The following SDK1 variants were observed in gnomAD, a reference collection of about 807,000 sequenced individuals.
SDK1 encodes the protein sidekick cell adhesion molecule 1.
Under a neutral mutation model 245.5 loss-of-function variants are expected in SDK1, and 157 were observed. The ratio of observed to expected loss-of-function variants is 0.64; its 90% confidence interval spans 0.56 to 0.73. The LOEUF (loss-of-function observed/expected upper bound fraction) is 0.73. SDK1 is among the 30% of genes least tolerant of loss of function. The pLI is 0.00. For synonymous variants in SDK1, 1,647 were observed against 1,278.5 expected, an observed-to-expected ratio of 1.29 and a Z score of -6.15; for missense variants, 3,583 against 3,002.3, an observed-to-expected ratio of 1.19 and a Z score of -4.52.
chr7:3,608,274 C>T (rs768326690), intron 1 of SDK1, among the ~76,000 whole-genome samples: 12 of 152,144 alleles, frequency 7.9e-5, no homozygotes, highest in Non-Finnish European at 1.3e-4. Flanking sequence ...TTCTGCTGTA[C>T]GCCAAAATGT....
intron 4 of SDK1, among the ~76,000 whole-genome samples, chr7:3,813,901 A>T (rs1240478050): frequency 1.5e-5 from 2 of 130,290 alleles, no homozygotes; most frequent in South Asian, 5.5e-4. Flanking sequence ...TTGGCTGCAT[A>T]AATGTCTTCT....
At chr7:3,368,761 G>A (rs1474149868) in intron 1 of SDK1, among the ~76,000 whole-genome samples, 1 of 152,204 alleles carries the variant, frequency 6.6e-6, no homozygotes, top group Non-Finnish European at 1.5e-5. Context: ...TGGGCTGGTA[G>A]GAGGGCTGAA....
intron 1 of SDK1, among the ~76,000 whole-genome samples, chr7:3,442,501 T>A (rs1276043851): frequency 6.6e-6 from 1 of 152,194 alleles, no homozygotes; most frequent in Non-Finnish European, 1.5e-5. Context: ...AGACCTCTCT[T>A]TTAAGTGGAG....
Position 4,268,015 on chromosome 7 carries a change from A to C in SDK1, c.*2631A>C. The stretch of plus-strand genomic sequence containing the variant: ...CTTCAGGGAAGGAAAAGAAAATCAC[A>C]GCCTAGGAAGATGGAGGTTGGATTT... On this transcript the variant is annotated 3_prime_UTR_variant, in exon 45 of 45. Coordinates refer to ENST00000404826, the MANE Select transcript of SDK1 (RefSeq NM_152744.4). 1 of 985,476 alleles carries C rather than the reference A, an allele frequency of 1.0e-6. No individual in the cohort carries two copies. Among genetic ancestry groups the C allele is most frequent in the Non-Finnish European group, 1.2e-6 (1 of 829,934 alleles). 61.0% of individuals were successfully genotyped at this position (985,476 alleles called of 1,614,324 possible). A position where few individuals can be genotyped will look rare whatever the true frequency, so the allele number is the denominator to read the frequency against.
At chr7:3,650,125 C>T (rs1562630315) in intron 4 of SDK1, among the ~76,000 whole-genome samples, 3 of 152,156 alleles carry the variant, frequency 2.0e-5, no homozygotes, top group Admixed American at 2.0e-4. Context: ...TCATAGCCCG[C>T]TGCAGTTTCA....
At chr7:3,856,551 G>A (rs1780551210) in intron 5 of SDK1, among the ~76,000 whole-genome samples, 1 of 150,726 alleles carries the variant, frequency 6.6e-6, no homozygotes, top group Non-Finnish European at 1.5e-5. Flanking sequence ...AGTACTTTGG[G>A]AGGCCGAGGC....
chr7:3,548,935 T>A (rs1204464191), intron 1 of SDK1, among the ~76,000 whole-genome samples: 2 of 152,210 alleles, frequency 1.3e-5, no homozygotes, highest in Non-Finnish European at 2.9e-5. Context: ...TCTGTTAAGA[T>A]CCAGCCATAT....
At chr7:4,014,826 C>T (rs7810771) in intron 16 of SDK1, among the ~76,000 whole-genome samples, 66,523 of 151,988 alleles carry the variant, frequency 0.44, 16,366 homozygotes, top group African/African-American at 0.68. Flanking sequence ...CCGTTATTGA[C>T]TGTGACCTTC....
chr7:3,971,374 G>A, intron 11 of SDK1, 92 bp from the exon 12 acceptor site: 1 of 809,986 alleles, frequency 1.2e-6, no homozygotes, highest in African/African-American at 1.7e-5. Flanking sequence ...CTCGGAGGTT[G>A]TGATGTCAGA....
intron 4 of SDK1, among the ~76,000 whole-genome samples, chr7:3,745,792 G>A (rs1779598034): frequency 6.6e-6 from 1 of 152,140 alleles, no homozygotes; most frequent in Admixed American, 6.5e-5. Flanking sequence ...AAAGAAAAGT[G>A]AGAATGAAAC....
intron 1 of SDK1, among the ~76,000 whole-genome samples, chr7:3,586,181 A>G (rs1055550696): frequency 2.0e-5 from 3 of 151,638 alleles, no homozygotes; most frequent in African/African-American, 7.3e-5. Context: ...CCACACCCAG[A>G]GGTGCCTTGG....
At chr7:4,104,938 C>G (rs1339833331) in intron 22 of SDK1, among the ~76,000 whole-genome samples, 1 of 151,752 alleles carries the variant, frequency 6.6e-6, no homozygotes. Flanking sequence ...AACTCCTGGG[C>G]TCAAGAGATC....
At chr7:3,331,668 A>G (rs1303721878) in intron 1 of SDK1, among the ~76,000 whole-genome samples, 2 of 152,138 alleles carry the variant, frequency 1.3e-5, no homozygotes, top group Admixed American at 1.3e-4. Context: ...ATCTGAACAC[A>G]AGTCTTTAAA....
rs775315236 is a variant in SDK1, at chr7:4,145,789, C to T, written c.4296C>T (p.Ala1432=). The T allele has an allele frequency of 6.2e-7, 1 of 1,613,816 alleles. No homozygotes were observed. Among genetic ancestry groups the T allele is most frequent in the Non-Finnish European group, 8.5e-7 (1 of 1,179,914 alleles). The change falls in exon 29 of 45, where the codon GCC becomes GCT. Residue 1432 remains alanine (A), a synonymous_variant. Transcript: ENST00000404826. ...PHTFTTVEVG[A]TVRQFTATDL... ...CCTTCACCACCGTGGAGGTCGGCGC[C>T]ACAGTGAGGCAGTTCACAGCCACCG...
intron 5 of SDK1, among the ~76,000 whole-genome samples, chr7:3,918,759 A>G (rs2128111930): frequency 6.6e-6 from 1 of 152,244 alleles, no homozygotes; most frequent in South Asian, 2.1e-4. Flanking sequence ...CATGCCACTC[A>G]GGTCTCTGCA....
At chr7:3,961,221 G>A (rs149456454) in intron 8 of SDK1, among the ~76,000 whole-genome samples, 2 of 152,218 alleles carry the variant, frequency 1.3e-5, no homozygotes, top group African/African-American at 2.4e-5. Context: ...CCTTATGAAA[G>A]TGACATCATG....
In SDK1 at chr7:3,450,549, G is replaced by C. The variant is rs116577344; in HGVS notation, c.298+148665G>C. ...GTAGATTTCTAGTTTGGAACAAGTA[G>C]ACTTGCAGGGATTTGGTTTATGAAA... is the stretch of plus-strand genomic sequence containing the variant. On this transcript the variant is annotated intron_variant, in intron 1 of 44. Transcript: ENST00000404826. Among the ~76,000 whole-genome samples the C allele has an allele frequency of 4.0e-3, 612 of 152,292 alleles. 6 individuals carry two copies. Among genetic ancestry groups the C allele is most frequent in the African/African-American group, 0.014 (572 of 41,560 alleles).
At chr7:3,507,844 T>C (rs1782442387) in intron 1 of SDK1, among the ~76,000 whole-genome samples, 1 of 152,194 alleles carries the variant, frequency 6.6e-6, no homozygotes, top group Non-Finnish European at 1.5e-5. Flanking sequence ...ATTCCCAACC[T>C]GCTTCAGTGT....
At chr7:3,812,732 C>T (rs940629530) in intron 4 of SDK1, among the ~76,000 whole-genome samples, 3 of 152,110 alleles carry the variant, frequency 2.0e-5, no homozygotes, top group Non-Finnish European at 4.4e-5. Flanking sequence ...TATAACTTAC[C>T]CTTTCCTGAA....
Sources: allele counts gnomAD v4.1 joint callset (sites outside exome capture counted in the v4.1 genomes callset), GRCh38; gene constraint gnomAD v4.1.1; transcripts MANE v1.5; gene names NCBI Gene and HGNC (gene_info 2026-07-23, HGNC 2026-07-21).